XG: variants seen among roughly 807,000 people sequenced by gnomAD.
The protein encoded by XG is glycoprotein Xg.
A neutral mutation model predicts 25.7 loss-of-function variants in XG; 24 were observed. The ratio of observed to expected loss-of-function variants is 0.93; its 90% CI spans 0.68 to 1.31. The LOEUF is 1.31. Ranked by LOEUF, XG falls within the 40% of genes most tolerant of loss-of-function variation. The pLI is 0.00. For missense variants in XG, 181 were observed against 187.6 expected (o/e 0.96, Z 0.21); for synonymous variants, 77 against 69.2 (o/e 1.11, Z -0.56).
At chrX:2,790,817 G>T (rs763507887) in intron 5 of XG, among the ~76,000 whole-genome samples, 1 of 111,658 alleles carries the variant, frequency 9.0e-6, no homozygotes, top group African/African-American at 3.3e-5. Context: ...AGGCGGGGGG[G>T]TGGTTGGATA....
intron 3 of XG, among the ~76,000 whole-genome samples, chrX:2,777,331 T>G (rs1445039761): frequency 2.0e-5 from 3 of 152,152 alleles, no homozygotes; most frequent in African/African-American, 7.2e-5. Context: ...AGGTTAAGTG[T>G]TCCTGCTAAA....
At chrX:2,804,610 CT>C (rs1408768530) in intron 7 of XG, among the ~76,000 whole-genome samples, 1 of 111,817 alleles carries the variant, frequency 8.9e-6, no homozygotes, top group Non-Finnish European at 1.9e-5. Flanking sequence ...TGAAACTGCT[CT>C]CTGTAAGGAG....
intron 1 of XG, among the ~76,000 whole-genome samples, chrX:2,754,201 C>T (rs980846064): frequency 1.3e-5 from 2 of 152,150 alleles, no homozygotes; most frequent in African/African-American, 4.8e-5. Flanking sequence ...GGGGTTCGAA[C>T]AAACCTCCCA....
At chrX:2,755,023 G>A (rs1313921977) in intron 1 of XG, among the ~76,000 whole-genome samples, 1 of 152,188 alleles carries the variant, frequency 6.6e-6, no homozygotes, top group Non-Finnish European at 1.5e-5. Flanking sequence ...GAGCTGTCCT[G>A]TAGCTCTGTC....
chrX:2,810,899 G>A (rs2087048277), intron 9 of XG, among the ~76,000 whole-genome samples: 2 of 107,301 alleles, frequency 1.9e-5, no homozygotes, highest in African/African-American at 6.9e-5. Context: ...CTGGGCGACA[G>A]AGCAACATTC....
At chrX:2,792,882 A>C (rs2086850300) in intron 5 of XG, among the ~76,000 whole-genome samples, 1 of 110,693 alleles carries the variant, frequency 9.0e-6, no homozygotes, top group African/African-American at 3.3e-5. Flanking sequence ...ATGTTAAAGC[A>C]AAGCAGAACA....
chrX:2,781,295 C>T (rs1355026149), intron 3 of XG, among the ~76,000 whole-genome samples: 2 of 151,254 alleles, frequency 1.3e-5, no homozygotes, highest in Non-Finnish European at 2.9e-5. Context: ...GCAGAAACTC[C>T]CCAGGCCTCC....
intron 7 of XG, among the ~76,000 whole-genome samples, chrX:2,801,662 T>C (rs1292219229): frequency 8.9e-6 from 1 of 112,149 alleles, no homozygotes; most frequent in African/African-American, 3.2e-5. Context: ...TTCACCCATG[T>C]AAGCTCCTAG....
At chrX:2,767,065 C>T (rs2050715675) in intron 1 of XG, among the ~76,000 whole-genome samples, 1 of 140,998 alleles carries the variant, frequency 7.1e-6, no homozygotes, top group Non-Finnish European at 1.6e-5. Context: ...ACTTCTGCTT[C>T]TGAGGCTGCT....
At chrX:2,801,840 C>G (rs760568775) in intron 7 of XG, among the ~76,000 whole-genome samples, 3 of 111,083 alleles carry the variant, frequency 2.7e-5, no homozygotes, top group Non-Finnish European at 5.7e-5. Flanking sequence ...TCCCGAGTAG[C>G]TGGGACTACA....
At chrX:2,808,562 G>A (rs1457218433) in intron 9 of XG, 1 of 751,517 alleles carries the variant, frequency 1.3e-6, no homozygotes, top group Non-Finnish European at 1.6e-6. Flanking sequence ...AACCCAAGAA[G>A]GACAGGAGAA....
intron 10 of XG, among the ~76,000 whole-genome samples, chrX:2,812,060 A>G (rs1331270036): frequency 1.1e-5 from 1 of 87,224 alleles, no homozygotes; most frequent in Non-Finnish European, 2.6e-5. Context: ...GACTATAAGC[A>G]TGACGGTTGG....
At chrX:2,768,450 G>A (rs2050746019) in intron 1 of XG, among the ~76,000 whole-genome samples, 1 of 152,180 alleles carries the variant, frequency 6.6e-6, no homozygotes, top group South Asian at 2.1e-4. Flanking sequence ...CCCAGTCTGA[G>A]CAGCTTGGAC....
intron 3 of XG, among the ~76,000 whole-genome samples, chrX:2,778,727 G>A (rs2051054031): frequency 1.3e-5 from 2 of 151,934 alleles, no homozygotes; most frequent in African/African-American, 4.8e-5. Context: ...TGAGACAATT[G>A]GCTGTTCTTG....
chrX:2,808,298 G>A, intron 9 of XG, 78 bp downstream of exon 9: 2 of 1,128,402 alleles, frequency 1.8e-6, no homozygotes, highest in East Asian at 3.0e-5. Flanking sequence ...GAGCTGTGTG[G>A]GCTTCTGTTT....
chrX:2,780,347 ACATATT>A (rs1277702501), intron 3 of XG, among the ~76,000 whole-genome samples: 1 of 151,530 alleles, frequency 6.6e-6, no homozygotes, highest in African/African-American at 2.4e-5. Flanking sequence ...TCAGGGTCAC[ACATATT>A]CATTGAAAGC....
chrX:2,769,228 G>A lies in XG; in HGVS notation c.62-1322G>A, dbSNP rs138475387. ...ACCTTCCCCCAGAGCAAGCGTCACCGAGGCAGACCGATTTTTGGGAGGGAG... is the reference window on the plus strand; with the variant it reads ...ACCTTCCCCCAGAGCAAGCGTCACCAAGGCAGACCGATTTTTGGGAGGGAG... On this transcript the variant is annotated intron_variant, in intron 1 of 10. Coordinates refer to ENST00000644266, the MANE Select transcript of XG (RefSeq NM_001141919.2). Among the ~76,000 whole-genome samples the A allele has an allele frequency of 6.0e-3, 909 of 152,304 alleles. 5 individuals are homozygous for A. Among genetic ancestry groups the A allele is most frequent in the South Asian group, 0.016 (75 of 4,826 alleles).
intron 1 of XG, among the ~76,000 whole-genome samples, chrX:2,754,494 G>A (rs747031635): frequency 3.9e-5 from 6 of 152,236 alleles, no homozygotes; most frequent in South Asian, 4.2e-4. Context: ...CGGGAGTGTC[G>A]TGCCTGATGT....
At chrX:2,795,413 A>G (rs1472040222) in intron 6 of XG, among the ~76,000 whole-genome samples, 2 of 106,776 alleles carry the variant, frequency 1.9e-5, no homozygotes, top group East Asian at 5.8e-4. Flanking sequence ...ATATATGTAC[A>G]TATATACCTT....
Sources: gnomAD v4.1 joint callset for allele counts (sites outside exome capture counted in the v4.1 genomes callset) on GRCh38, gnomAD v4.1.1 for gene constraint, MANE v1.5 for transcripts, NCBI Gene and HGNC (gene_info 2026-07-23, HGNC 2026-07-21) for gene names.